SLC44A4: variants seen among roughly 807,000 people sequenced by gnomAD.
SLC44A4 encodes solute carrier family 44 member 4.
Under a neutral mutation model 97.0 loss-of-function variants are expected in SLC44A4, and 74 were observed. The observed-to-expected ratio is 0.76, with a 90% CI of 0.63 to 0.93. SLC44A4 has a LOEUF of 0.93. SLC44A4 is among the 40% of genes least tolerant of loss of function. The pLI is 0.00. For synonymous variants in SLC44A4, 325 were observed against 363.8 expected (o/e 0.89, Z 1.21); for missense variants, 799 against 902.9 (o/e 0.88, Z 1.48).
chr6:31,871,534 T>C lies in SLC44A4; in HGVS notation c.557A>G (p.Asn186Ser). 1.9e-6 allele frequency: 3 copies of C among 1,613,614 alleles called. No individual in the cohort carries two copies. The highest frequency in any genetic ancestry group is 2.5e-6 in the Non-Finnish European group (3 of 1,179,778). The change falls in exon 8 of 21, where the codon AAC becomes AGC. Residue 186 changes from asparagine (N) to serine (S), a missense_variant. Physicochemically the swap from Asn to Ser is conservative, Grantham distance 46. This residue lies in a region of SLC44A4 where 409 missense variants were observed against 434.1 expected (regional missense o/e 0.94). Coordinates refer to ENST00000229729, the MANE Select transcript of SLC44A4 (RefSeq NM_025257.3). ...PALGRCFPWT[N>S]VTPPALPGIT... ...CCCTGGGAGCGCCGGTGGAGTAACG[T>C]TGGTCCATGGAAAGCAGCGCCCCAG...
rs761033287 is a variant in SLC44A4, at chr6:31,864,658, A to G, written c.2005T>C (p.Cys669Arg). 1.1e-5 allele frequency: 17 copies of G among 1,613,882 alleles called. No individual in the cohort carries two copies. Among genetic ancestry groups the G allele is most frequent in the Non-Finnish European group, 5.9e-6 (7 of 1,179,950 alleles). The change falls in exon 20 of 21, where the codon TGC (cysteine) becomes CGC (arginine). Residue 669 changes from cysteine (C) to arginine (R), a missense_variant. Cys to Arg is a radical substitution (Grantham distance 180). Transcript: ENST00000229729. ...GGCTGGGGGTGTCACTCACGGAAGCAGAGGAAGAGCGTGTCCACACACATG... is the reference window on the plus strand; with the variant it reads ...GGCTGGGGGTGTCACTCACGGAAGCGGAGGAAGAGCGTGTCCACACACATG... ...FGMCVDTLFL[C>R]FLEDLERNNG...
chr6:31,865,159 G>A lies in SLC44A4; in HGVS notation c.1761-79C>T. 6.4e-7 allele frequency: 1 copy of A among 1,560,744 alleles called. No homozygotes were observed. The highest frequency in any genetic ancestry group is 8.8e-7 in the Non-Finnish European group (1 of 1,132,028). On this transcript the variant is annotated intron_variant, in intron 17 of 20. Coordinates refer to ENST00000229729, the MANE Select transcript of SLC44A4 (RefSeq NM_025257.3). The surrounding 1 kb of genome is among the most constrained non-coding windows in gnomAD (Gnocchi z 5.2). ...TGAAATTGGCTTCGTAATTTGTGGG[G>A]ACTGGTGCAAAATGAAAATTGTTCA... is the stretch of plus-strand genomic sequence containing the variant.
chr6:31,865,149 A>G lies in SLC44A4; in HGVS notation c.1761-69T>C. The G allele has an allele frequency of 6.3e-7, 1 of 1,578,454 alleles. No homozygotes were observed. The highest frequency in any genetic ancestry group is 1.7e-5 in the Admixed American group (1 of 59,924). ...ATGCTGAGAGTGAAATTGGCTTCGT[A>G]ATTTGTGGGGACTGGTGCAAAATGA... On this transcript the variant is annotated intron_variant, in intron 17 of 20. Transcript: ENST00000229729. This position sits in a 1 kb window ranked among gnomAD's most constrained non-coding sequence, Gnocchi z 5.2.
Position 31,874,713 on chromosome 6 carries a change from A to G in SLC44A4, c.468+8T>C. ...GGCGACAGTGATGAGGTTAGGGGCA[A>G]TATTCACCATATTCCAGGGTACCCC... On this transcript the variant is annotated splice_region_variant and intron_variant, in intron 6 of 20. Transcript: ENST00000229729. This position sits in a 1 kb window ranked among gnomAD's most constrained non-coding sequence, Gnocchi z 4.8. 6.2e-7 allele frequency: 1 copy of G among 1,605,818 alleles called. No individual in the cohort carries two copies. Among genetic ancestry groups the G allele is most frequent in the Non-Finnish European group, 8.5e-7 (1 of 1,176,156 alleles).
At position 31,877,429 on chromosome 6, in the gene SLC44A4, G is replaced by T. The variant is rs1429991007; in HGVS notation, c.41-347C>A. The T allele has an allele frequency of 8.4e-6, 3 of 358,174 alleles. No individual in the cohort carries two copies. Among genetic ancestry groups the T allele is most frequent in the Non-Finnish European group, 9.6e-6 (2 of 208,056 alleles). The allele number at this position is 358,174 out of a possible 1,614,324, so 22.2% of individuals were successfully genotyped here. ...TGAGTCTCCCTTTAGCTGGGATGTG[G>T]GACTCCCAGTGGCTCTCACTCCCTC... On this transcript the variant is annotated intron_variant, in intron 1 of 20. Coordinates refer to ENST00000229729, the MANE Select transcript of SLC44A4 (RefSeq NM_025257.3). The surrounding 1 kb of genome is among the most constrained non-coding windows in gnomAD (Gnocchi z 6.5).
chr6:31,871,530 A>G lies in SLC44A4; in HGVS notation c.561T>C (p.Val187=), dbSNP rs560350015. The change falls in exon 8 of 21, where the codon GTT becomes GTC. Residue 187 remains valine, a synonymous_variant. Coordinates refer to ENST00000229729, the MANE Select transcript of SLC44A4 (RefSeq NM_025257.3). The stretch of plus-strand genomic sequence containing the variant: ...TGATCCCTGGGAGCGCCGGTGGAGT[A>G]ACGTTGGTCCATGGAAAGCAGCGCC... ...ALGRCFPWTN[V]TPPALPGITN... The G allele has an allele frequency of 6.2e-7, 1 of 1,613,716 alleles. No homozygotes were observed. Among genetic ancestry groups the G allele is most frequent in the African/African-American group, 1.3e-5 (1 of 74,928 alleles).
Position 31,877,003 on chromosome 6 carries a change from G to A in SLC44A4, c.89+31C>T, listed in dbSNP as rs1447178261. 5 of 1,596,210 alleles carry A rather than the reference G, an allele frequency of 3.1e-6. No homozygotes were observed. The highest frequency in any genetic ancestry group is 1.8e-5 in the Admixed American group (1 of 56,706). On this transcript the variant is annotated intron_variant, in intron 2 of 20. Transcript: ENST00000229729. The surrounding 1 kb of genome is among the most constrained non-coding windows in gnomAD (Gnocchi z 6.5). ...ATTCCACACTGCACCCACCACCCCCGCCAGCCCCCGGAGCAGTGCCCAGAG... is the reference window on the plus strand; with the variant it reads ...ATTCCACACTGCACCCACCACCCCCACCAGCCCCCGGAGCAGTGCCCAGAG...
intron 20 of SLC44A4, 135 bp downstream of exon 20, chr6:31,864,517 C>CA: frequency 1.2e-6 from 1 of 816,764 alleles, no homozygotes. Flanking sequence ...CAGGATGTCA[C>CA]AAGAAGCTCC....
chr6:31,870,590 G>C lies in SLC44A4; in HGVS notation c.1037+13C>G, dbSNP rs1450402507. 6.3e-7 allele frequency: 1 copy of C among 1,579,686 alleles called. No individual in the cohort carries two copies. The highest frequency in any genetic ancestry group is 8.6e-7 in the Non-Finnish European group (1 of 1,163,394). ...TGTCCTCAACCCCATCTCCCTCCCA[G>C]GCAGGCCCTAACTTGCTGGCCTCCT... On this transcript the variant is annotated intron_variant, in intron 11 of 20. Coordinates refer to ENST00000229729, the MANE Select transcript of SLC44A4 (RefSeq NM_025257.3).
At chr6:31,863,849 C>A in intron 20 of SLC44A4, 101 bp from the exon 21 acceptor site, 1 of 1,496,306 alleles carries the variant, frequency 6.7e-7, no homozygotes, top group Non-Finnish European at 9.1e-7. Flanking sequence ...GCTGCACCAC[C>A]ACCCTTACCC....
chr6:31,869,032 G>T, intron 13 of SLC44A4, 123 bp downstream of exon 13: 1 of 724,704 alleles, frequency 1.4e-6, no homozygotes, highest in Non-Finnish European at 2.2e-6. Flanking sequence ...GGGGTTGAGT[G>T]TGTGACCTTG....
At position 31,870,994 on chromosome 6, in the gene SLC44A4, A is replaced by G; in HGVS notation, c.755T>C (p.Leu252Pro). The change falls in exon 10 of 21, where the codon CTG becomes CCG. Residue 252 changes from leucine (L) to proline (P), a missense_variant. Transcript: ENST00000229729. ...LSLLFILLLR[L>P]VAGPLVLVLI... ...CACCAGCACCAGGGGCCCAGCCACC[A>G]GGCGCAGAAGCAAGATAAACAGTAG... is the stretch of plus-strand genomic sequence containing the variant. The G allele has an allele frequency of 6.2e-7, 1 of 1,612,726 alleles. No homozygotes were observed. Among genetic ancestry groups the G allele is most frequent in the Non-Finnish European group, 8.5e-7 (1 of 1,179,932 alleles).
In SLC44A4 at chr6:31,874,892, G is replaced by C. The variant is rs759930919; in HGVS notation, c.342+37C>G. ...AAGGGGCTGGAACCTGAGACCCTGGGTGAGATCTGGGGTAGAGGCAGGTCC... is the reference window on the plus strand; with the variant it reads ...AAGGGGCTGGAACCTGAGACCCTGGCTGAGATCTGGGGTAGAGGCAGGTCC... On this transcript the variant is annotated intron_variant, in intron 5 of 20. Coordinates refer to ENST00000229729, the MANE Select transcript of SLC44A4 (RefSeq NM_025257.3). The surrounding 1 kb of genome is among the most constrained non-coding windows in gnomAD (Gnocchi z 4.8). 1.2e-6 allele frequency: 2 copies of C among 1,613,732 alleles called. No individual in the cohort carries two copies. Among genetic ancestry groups the C allele is most frequent in the Non-Finnish European group, 1.7e-6 (2 of 1,179,796 alleles).
chr6:31,866,595 GA>G (rs1226702734), intron 13 of SLC44A4, among the ~76,000 whole-genome samples: 1 of 151,592 alleles, frequency 6.6e-6, no homozygotes, highest in Non-Finnish European at 1.5e-5. Context: ...AAAGTCTCCA[GA>G]AAAAAAAATT....
In SLC44A4 at chr6:31,863,552, G is replaced by C. The variant is rs1390274458; in HGVS notation, c.*75C>G. 2 of 1,531,090 alleles carry C rather than the reference G, an allele frequency of 1.3e-6. No individual in the cohort carries two copies. The highest frequency in any genetic ancestry group is 1.8e-6 in the Non-Finnish European group (2 of 1,141,894). 94.8% of individuals were successfully genotyped at this position (1,531,090 alleles called of 1,614,324 possible). On this transcript the variant is annotated 3_prime_UTR_variant, in exon 21 of 21. Coordinates refer to ENST00000229729, the MANE Select transcript of SLC44A4 (RefSeq NM_025257.3). ...AAACCTTTTTTTACCACAAAATGGA[G>C]ACCTGTAAGGCGAAGTGAGGTTGGA...
chr6:31,865,956 G>A lies in SLC44A4; in HGVS notation c.1404C>T (p.Ala468=), dbSNP rs1762841704. Residue 468 remains alanine, a synonymous_variant, in exon 14 of 21, where the codon GCC becomes GCT. Coordinates refer to ENST00000229729, the MANE Select transcript of SLC44A4 (RefSeq NM_025257.3). The surrounding 1 kb of genome is among the most constrained non-coding windows in gnomAD (Gnocchi z 5.2). ...LALGQCVLAG[A]FASFYWAFHK... is the part of the protein sequence containing the mutation. ...GGAAGGCCCAGTAGAAGGAGGCAAA[G>A]GCTCCAGCGAGGACGCATTGGCCCA... is the stretch of plus-strand genomic sequence containing the variant. The A allele has an allele frequency of 2.5e-6, 4 of 1,614,234 alleles. No individual in the cohort carries two copies. Among genetic ancestry groups the A allele is most frequent in the Middle Eastern group, 1.6e-4 (1 of 6,062 alleles).
chr6:31,875,969 G>A (rs747041553), intron 3 of SLC44A4, 39 bp from the exon 4 acceptor site: 6 of 1,613,028 alleles, frequency 3.7e-6, no homozygotes, highest in African/African-American at 1.3e-5. Flanking sequence ...GGAGGGCAGG[G>A]ACTTAGTGGG....
chr6:31,878,967 T>A lies in SLC44A4; in HGVS notation c.14A>T (p.Gln5Leu). MGGKQRDEDDEAYGK... is the reference protein window; with the variant it reads MGGKLRDEDDEAYGK... ...GTAGGCCTCGTCATCCTCGTCCCGC[T>A]GCTTTCCCCCCATGGCTCAGTCTCC... Residue 5 changes from glutamine (Q) to leucine (L), a missense_variant, in exon 1 of 21, where the codon CAG becomes CTG. Transcript: ENST00000229729. This position sits in a 1 kb window ranked among gnomAD's most constrained non-coding sequence, Gnocchi z 4.0. The A allele has an allele frequency of 6.2e-7, 1 of 1,613,830 alleles. No homozygotes were observed. The highest frequency in any genetic ancestry group is 8.5e-7 in the Non-Finnish European group (1 of 1,179,948).
rs116475370 is a variant in SLC44A4, at chr6:31,865,147, G to A, written c.1761-67C>T. 1.1e-3 allele frequency: 1,746 copies of A among 1,579,862 alleles called. 11 individuals carry two copies. The African/African-American group carries it at 0.017, about 15-fold the overall frequency. On this transcript the variant is annotated intron_variant, in intron 17 of 20. Coordinates refer to ENST00000229729, the MANE Select transcript of SLC44A4 (RefSeq NM_025257.3). The surrounding 1 kb of genome is among the most constrained non-coding windows in gnomAD (Gnocchi z 5.2). Reference sequence around the variant, plus strand: ...CAATGCTGAGAGTGAAATTGGCTTCGTAATTTGTGGGGACTGGTGCAAAAT... The same window carrying A: ...CAATGCTGAGAGTGAAATTGGCTTCATAATTTGTGGGGACTGGTGCAAAAT...
Sources: allele counts gnomAD v4.1 joint callset (sites outside exome capture counted in the v4.1 genomes callset), GRCh38; gene constraint gnomAD v4.1.1; regional missense constraint gnomAD v4.1.1; non-coding constraint Gnocchi (gnomAD v3.1); transcripts MANE v1.5; gene names NCBI Gene and HGNC (gene_info 2026-07-23, HGNC 2026-07-21).